The following GALK2 variants were observed in gnomAD, a reference collection of about 807,000 sequenced individuals.
The protein encoded by GALK2 is galactokinase 2.
Under a neutral mutation model 52.4 loss-of-function variants are expected in GALK2, and 36 were observed. The ratio of observed to expected loss-of-function variants is 0.69; its 90% CI spans 0.53 to 0.91. The LOEUF is 0.91. Among genes scored for constraint, GALK2 ranks in the 40% least tolerant of loss-of-function variants. GALK2 has a pLI of 0.00. For synonymous variants in GALK2, 176 were observed against 199.1 expected (o/e 0.88, Z 0.98); for missense variants, 579 against 559.1 (o/e 1.04, Z -0.36).
At chr15:49,267,369 A>T (rs1028438128) in intron 5 of GALK2, among the ~76,000 whole-genome samples, 2 of 152,220 alleles carry the variant, frequency 1.3e-5, no homozygotes, top group Non-Finnish European at 2.9e-5. Context: ...GTGATCAGAT[A>T]TTGAGGGTGG....
chr15:49,343,136 T>G (rs1365798207), intron 3 of GALK2, among the ~76,000 whole-genome samples: 3 of 152,152 alleles, frequency 2.0e-5, no homozygotes, highest in Non-Finnish European at 4.4e-5. Context: ...GTTGTATACT[T>G]TTTCTCCTCT....
At chr15:49,316,675 T>C (rs2151077747) in intron 8 of GALK2, among the ~76,000 whole-genome samples, 1 of 152,208 alleles carries the variant, frequency 6.6e-6, no homozygotes, top group Admixed American at 6.5e-5. Context: ...ATTGGCTCAT[T>C]AGTAGAAATG....
At chr15:49,208,067 C>A (rs143358991) in intron 2 of GALK2, among the ~76,000 whole-genome samples, 1 of 152,210 alleles carries the variant, frequency 6.6e-6, no homozygotes, top group Non-Finnish European at 1.5e-5. Flanking sequence ...GTCACTGCGC[C>A]GGCCCAATTT....
chr15:49,343,212 G>C lies in GALK2; in HGVS notation c.426+23407G>C, dbSNP rs145568413. On this transcript the variant is annotated intron_variant, in intron 3 of 3. Transcript: ENST00000558399. ...TAATCCCATATTTCTCAAAGATTTTGTTTATTTTTCTTAATTCTTTTTTTA... is the reference window on the plus strand; with the variant it reads ...TAATCCCATATTTCTCAAAGATTTTCTTTATTTTTCTTAATTCTTTTTTTA... Among the ~76,000 whole-genome samples, 309 of 151,918 alleles carry C rather than the reference G, an allele frequency of 2.0e-3. 2 individuals are homozygous for C. Among genetic ancestry groups the C allele is most frequent in the South Asian group, 4.2e-3 (20 of 4,812 alleles).
intron 5 of GALK2, among the ~76,000 whole-genome samples, chr15:49,271,437 T>G (rs1291049845): frequency 2.0e-5 from 3 of 152,180 alleles, no homozygotes; most frequent in Non-Finnish European, 4.4e-5. Flanking sequence ...TAGTGAGAGA[T>G]AAGTATGCAG....
At chr15:49,193,158 T>C (rs1048132959) in intron 1 of GALK2, among the ~76,000 whole-genome samples, 2 of 151,966 alleles carry the variant, frequency 1.3e-5, no homozygotes, top group Non-Finnish European at 2.9e-5. Flanking sequence ...CCACCACTCC[T>C]GGCTAATTTT....
chr15:49,239,387 A>T lies in GALK2; in HGVS notation c.504+20A>T. ...TCCAAGGTAACTACCTTTGATAGGA[A>T]ACCTCATAGAACCCTCTCCTAATAA... On this transcript the variant is annotated intron_variant, in intron 5 of 9. Coordinates refer to ENST00000560031, the MANE Select transcript of GALK2 (RefSeq NM_002044.4). The T allele has an allele frequency of 1.2e-6, 2 of 1,605,218 alleles. No individual in the cohort carries two copies. Among genetic ancestry groups the T allele is most frequent in the Non-Finnish European group, 1.7e-6 (2 of 1,173,568 alleles).
At chr15:49,262,657 T>A (rs2092175170) in intron 5 of GALK2, among the ~76,000 whole-genome samples, 1 of 150,632 alleles carries the variant, frequency 6.6e-6, no homozygotes, top group African/African-American at 2.5e-5. Context: ...TTAATTGTGA[T>A]GTTAGGGTGT....
intron 5 of GALK2, among the ~76,000 whole-genome samples, chr15:49,266,818 A>G (rs975991183): frequency 2.0e-5 from 3 of 152,144 alleles, no homozygotes; most frequent in Non-Finnish European, 4.4e-5. Context: ...TTGTGGTATT[A>G]ATAGTTGGAG....
At chr15:49,168,697 A>T (rs1338046593), upstream of GALK2, among the ~76,000 whole-genome samples, 1 of 151,620 alleles carries the variant, frequency 6.6e-6, no homozygotes, top group African/African-American at 2.4e-5. Context: ...CAGCCTGGGC[A>T]ACAAAGAGCG....
chr15:49,267,606 C>G (rs1404875018), intron 5 of GALK2, among the ~76,000 whole-genome samples: 1 of 152,106 alleles, frequency 6.6e-6, no homozygotes, highest in Non-Finnish European at 1.5e-5. Flanking sequence ...CACTTAAACC[C>G]TTTTTCTTCT....
At chr15:49,159,846 G>T (rs1193081597) in intron 1 of GALK2, among the ~76,000 whole-genome samples, 1 of 152,142 alleles carries the variant, frequency 6.6e-6, no homozygotes, top group African/African-American at 2.4e-5. Context: ...AGCTTTGATT[G>T]TATGTATGTG....
intron 3 of GALK2, among the ~76,000 whole-genome samples, chr15:49,218,949 C>T (rs141951850): frequency 9.1e-4 from 139 of 152,250 alleles, no homozygotes; most frequent in Non-Finnish European, 1.7e-3. Flanking sequence ...CTTCAGTCTC[C>T]GGAGTAGCTG....
intron 2 of GALK2, among the ~76,000 whole-genome samples, chr15:49,213,286 A>G (rs2089081464): frequency 6.6e-6 from 1 of 152,096 alleles, no homozygotes; most frequent in South Asian, 2.1e-4. Flanking sequence ...AATCCTGTTT[A>G]TTTATGCATA....
At chr15:49,323,834 G>A (rs573325246) in intron 9 of GALK2, among the ~76,000 whole-genome samples, 14 of 152,118 alleles carry the variant, frequency 9.2e-5, no homozygotes, top group Admixed American at 9.2e-4. Flanking sequence ...GGAGGATGAA[G>A]GAAACTATAC....
At chr15:49,321,512 C>T (rs2036871043) in intron 9 of GALK2, among the ~76,000 whole-genome samples, 1 of 152,168 alleles carries the variant, frequency 6.6e-6, no homozygotes, top group Non-Finnish European at 1.5e-5. Context: ...CAAGACGACT[C>T]CTGGGTTTTT....
At chr15:49,234,606 G>A (rs562197464) in intron 3 of GALK2, among the ~76,000 whole-genome samples, 5 of 151,942 alleles carry the variant, frequency 3.3e-5, no homozygotes, top group African/African-American at 4.8e-5. Context: ...TAAAACCAGC[G>A]GATCCCATGA....
intron 3 of GALK2, among the ~76,000 whole-genome samples, chr15:49,228,660 G>GATATATATATATATATAT: frequency 7.0e-5 from 1 of 14,224 alleles, no homozygotes; most frequent in East Asian, 1.3e-3. Context: ...GTCTTTCACT[G>GATATATATATATATATAT]ATATATATAT....
Position 49,283,707 on chromosome 15 carries a change from C to T in GALK2, c.745C>T (p.Leu249=). The T allele has an allele frequency of 6.2e-7, 1 of 1,613,872 alleles. No homozygotes were observed. Among genetic ancestry groups the T allele is most frequent in the Non-Finnish European group, 8.5e-7 (1 of 1,179,850 alleles). ...HFNIRVMECR[L]AAKLLAKYKS... ...CAATATCAGGGTGATGGAGTGTCGG[C>T]TGGCTGCGAAGGTATGAACTTGGCA... Residue 249 remains leucine, a synonymous_variant, in exon 7 of 10, where the codon CTG becomes TTG. Coordinates refer to ENST00000560031, the MANE Select transcript of GALK2 (RefSeq NM_002044.4).
Sources: allele counts gnomAD v4.1 joint callset (sites outside exome capture counted in the v4.1 genomes callset), GRCh38; gene constraint gnomAD v4.1.1; transcripts MANE v1.5; gene names NCBI Gene and HGNC (gene_info 2026-07-23, HGNC 2026-07-21).